Variants in ST18 observed in about 807,000 individuals in gnomAD.
ST18 encodes suppression of tumorigenicity 18 protein.
Under a neutral mutation model 110.0 loss-of-function variants are expected in ST18, and 50 were observed. That is an observed-to-expected ratio of 0.45 (90% CI 0.36 to 0.58). The LOEUF (loss-of-function observed/expected upper bound fraction) is 0.58. ST18 is among the 20% of genes least tolerant of loss of function. The pLI, the probability that ST18 is intolerant of heterozygous loss-of-function variation, is 0.00. For missense variants in ST18, 1,306 were observed against 1,280.1 expected (o/e 1.02, Z -0.31); for synonymous variants, 461 against 452.4 (o/e 1.02, Z -0.24).
intron 2 of ST18, among the ~76,000 whole-genome samples, chr8:52,328,200 G>A (rs1807374865): frequency 6.6e-6 from 1 of 152,154 alleles, no homozygotes; most frequent in Non-Finnish European, 1.5e-5. Flanking sequence ...TACTAATTAA[G>A]CCTCAATAGT....
At chr8:52,279,011 A>T (rs2095325716) in intron 2 of ST18, among the ~76,000 whole-genome samples, 1 of 152,252 alleles carries the variant, frequency 6.6e-6, no homozygotes. Context: ...TTTAAAAGAC[A>T]ATAATAAATC....
At chr8:52,153,688 G>A (rs1455905231) in intron 15 of ST18, among the ~76,000 whole-genome samples, 1 of 152,158 alleles carries the variant, frequency 6.6e-6, no homozygotes, top group South Asian at 2.1e-4. Flanking sequence ...TGGAATCATG[G>A]TCCACGCTGC....
chr8:52,132,243 A>G, intron 21 of ST18, 64 bp from the exon 22 acceptor site: 2 of 1,361,820 alleles, frequency 1.5e-6, no homozygotes, highest in Non-Finnish European at 2.0e-6. Context: ...TGCTCTCCAG[A>G]GAACAAACCA....
At chr8:52,266,540 C>CTTTT (rs759084646) in intron 2 of ST18, among the ~76,000 whole-genome samples, 2 of 131,304 alleles carry the variant, frequency 1.5e-5, no homozygotes, top group East Asian at 2.2e-4. Flanking sequence ...GTTTCTGCCA[C>CTTTT]TTTTTTTTTT....
rs547010923 is a variant in ST18 at position 52,168,227 on chromosome 8, A to G, written c.1070-1241T>C. ...ACAGGAGGCTATCGGGGTCTGCAAC[A>G]TGAGGCCTCAGGAATAATGAGCACA... On this transcript the variant is annotated intron_variant, in intron 10 of 25. Transcript: ENST00000689386. Among the ~76,000 whole-genome samples the G allele has an allele frequency of 4.7e-5, 7 of 148,744 alleles. No individual in the cohort carries two copies. The South Asian group carries it at 1.6e-3, about 33-fold the overall frequency.
At chr8:52,235,501 A>G (rs2092491785) in intron 2 of ST18, among the ~76,000 whole-genome samples, 1 of 152,220 alleles carries the variant, frequency 6.6e-6, no homozygotes, top group Non-Finnish European at 1.5e-5. Context: ...TATATTAACG[A>G]AAAAGGGAAC....
intron 2 of ST18, among the ~76,000 whole-genome samples, chr8:52,394,964 G>A (rs906020044): frequency 6.6e-6 from 1 of 152,214 alleles, no homozygotes. Context: ...TTCAAGACAC[G>A]AAAGTGGATA....
At chr8:52,154,110 C>T (rs528213824) in intron 15 of ST18, among the ~76,000 whole-genome samples, 61 of 152,198 alleles carry the variant, frequency 4.0e-4, no homozygotes, top group Non-Finnish European at 8.4e-4. Context: ...TTCCTTGCAC[C>T]TGTATCAACC....
chr8:52,360,791 G>T (rs1246368256), intron 2 of ST18, among the ~76,000 whole-genome samples: 1 of 152,118 alleles, frequency 6.6e-6, no homozygotes, highest in Admixed American at 6.6e-5. Context: ...GTTATTTAAT[G>T]CCCAGTAAGT....
chr8:52,140,143 A>T (rs949867147), intron 17 of ST18, among the ~76,000 whole-genome samples: 1 of 152,238 alleles, frequency 6.6e-6, no homozygotes, highest in Non-Finnish European at 1.5e-5. Flanking sequence ...GGACAGGGTG[A>T]CATGGAATGT....
intron 2 of ST18, among the ~76,000 whole-genome samples, chr8:52,374,598 G>A (rs1457435859): frequency 6.6e-6 from 1 of 151,908 alleles, no homozygotes; most frequent in Non-Finnish European, 1.5e-5. Flanking sequence ...GTAAATGTGT[G>A]CCACAGTGGT....
At chr8:52,351,633 A>G (rs773692848) in intron 2 of ST18, among the ~76,000 whole-genome samples, 25 of 152,228 alleles carry the variant, frequency 1.6e-4, no homozygotes, top group Non-Finnish European at 3.4e-4. Flanking sequence ...GTCAAGTCGA[A>G]CTAATGTTAA....
intron 2 of ST18, among the ~76,000 whole-genome samples, chr8:52,335,959 C>T (rs750812025): frequency 2.2e-4 from 33 of 152,012 alleles, no homozygotes; most frequent in East Asian, 7.7e-4. Flanking sequence ...GCCTCTGTGG[C>T]CCCCATCTGT....
chr8:52,184,149 T>C (rs982720317), intron 8 of ST18, among the ~76,000 whole-genome samples: 2 of 152,230 alleles, frequency 1.3e-5, no homozygotes, highest in Non-Finnish European at 1.5e-5. Flanking sequence ...CCAGAAATCA[T>C]TTCCACTGGG....
chr8:52,254,772 G>C (rs1348731561), intron 2 of ST18, among the ~76,000 whole-genome samples: 1 of 152,130 alleles, frequency 6.6e-6, no homozygotes, highest in Non-Finnish European at 1.5e-5. Context: ...AGTTAAAAAG[G>C]GGGCTGTGTC....
chr8:52,270,501 TC>T (rs1253922683), intron 2 of ST18, among the ~76,000 whole-genome samples: 1 of 152,140 alleles, frequency 6.6e-6, no homozygotes, highest in Non-Finnish European at 1.5e-5. Flanking sequence ...TTACCTGAAG[TC>T]CCCATGCCAT....
At chr8:52,369,477 A>G (rs541555881) in intron 2 of ST18, among the ~76,000 whole-genome samples, 11 of 152,350 alleles carry the variant, frequency 7.2e-5, no homozygotes, top group African/African-American at 1.9e-4. Flanking sequence ...ATTATTGAGC[A>G]AAAAGATTCA....
intron 22 of ST18, among the ~76,000 whole-genome samples, chr8:52,130,119 A>AAGAAAGAAAGAAAGAAAGAAAG (rs1554585622): frequency 5.7e-5 from 6 of 105,164 alleles, no homozygotes; most frequent in African/African-American, 2.1e-4. Context: ...AGAAAGAAAG[A>AAGAAAGAAAGAAAGAAAGAAAG]AAAGAAAGAA....
chr8:52,243,549 T>C (rs912795517), intron 2 of ST18, among the ~76,000 whole-genome samples: 2 of 152,130 alleles, frequency 1.3e-5, no homozygotes, highest in African/African-American at 4.8e-5. Flanking sequence ...CAATCTGGGT[T>C]CAAGGCTGGT....
Sources: gnomAD v4.1 joint callset for allele counts (sites outside exome capture counted in the v4.1 genomes callset) on GRCh38, gnomAD v4.1.1 for gene constraint, MANE v1.5 for transcripts, NCBI Gene and HGNC (gene_info 2026-07-23, HGNC 2026-07-21) for gene names.